The following PCBP3 variants were observed in gnomAD, a reference collection of about 807,000 sequenced individuals.
PCBP3 encodes poly(rC) binding protein 3.
In PCBP3, 25 loss-of-function variants were observed where a neutral mutation model predicts 52.7. The observed-to-expected ratio is 0.47, with a 90% CI of 0.35 to 0.66. The LOEUF is 0.66. Ranked by LOEUF, PCBP3 falls within the 30% of genes least tolerant of loss-of-function variation. The pLI is 0.01. For synonymous variants in PCBP3, 162 were observed against 183.0 expected (o/e 0.89, Z 0.93); for missense variants, 391 against 490.3 (o/e 0.80, Z 1.91).
At chr21:45,780,001 C>G (rs2090519181) in intron 4 of PCBP3, among the ~76,000 whole-genome samples, 1 of 152,062 alleles carries the variant, frequency 6.6e-6, no homozygotes, top group African/African-American at 2.4e-5. Context: ...ACAACAGCGC[C>G]CAGGCAAATT....
chr21:45,864,354 A>G (rs541063088), intron 5 of PCBP3, among the ~76,000 whole-genome samples: 9 of 152,226 alleles, frequency 5.9e-5, no homozygotes, highest in Non-Finnish European at 1.3e-4. Context: ...CTTGGTGCTT[A>G]AAATGGGGAA....
intron 12 of PCBP3, chr21:45,915,663 T>C (rs927949683): frequency 6.6e-6 from 1 of 152,398 alleles, no homozygotes; most frequent in Non-Finnish European, 1.5e-5. Context: ...CCCTGTGCAG[T>C]GGGTGCTGTC....
In PCBP3 at chr21:45,796,440, G is replaced by A. The variant is rs547361898; in HGVS notation, c.-126+40988G>A. On this transcript the variant is annotated intron_variant, in intron 4 of 17. Transcript: ENST00000681687. ...CCTCTTTGGGATGCTGTTCACATGT[G>A]TTTGCACTTCCTTGTCTGTCTTCTG... 3.4e-4 allele frequency among the ~76,000 whole-genome samples: 52 copies of A among 152,236 alleles called. No individual in the cohort carries two copies. In the South Asian group the frequency reaches 0.011, roughly 32 times the overall value.
At chr21:45,867,068 CA>C (rs1569370535) in intron 5 of PCBP3, among the ~76,000 whole-genome samples, 1 of 152,210 alleles carries the variant, frequency 6.6e-6, no homozygotes, top group African/African-American at 2.4e-5. Flanking sequence ...GGTATCTATT[CA>C]AAAACACGGT....
intron 4 of PCBP3, among the ~76,000 whole-genome samples, chr21:45,818,965 A>C (rs544230582): frequency 6.6e-5 from 10 of 152,396 alleles, no homozygotes; most frequent in Admixed American, 2.0e-4. Context: ...AGACAAAACT[A>C]TAAAAATAGT....
intron 4 of PCBP3, among the ~76,000 whole-genome samples, chr21:45,846,673 G>A (rs1235876855): frequency 2.0e-5 from 3 of 152,142 alleles, no homozygotes; most frequent in Admixed American, 6.5e-5. Flanking sequence ...GCCAGCTTCC[G>A]TGTTTGGGGT....
intron 2 of PCBP3, among the ~76,000 whole-genome samples, chr21:45,696,444 C>T (rs950168036): frequency 1.3e-5 from 2 of 151,690 alleles, no homozygotes; most frequent in Non-Finnish European, 2.9e-5. Context: ...ATATATTAAC[C>T]AAAAGATTTG....
chr21:45,928,810 T>G lies in PCBP3; in HGVS notation c.718-1107T>G, dbSNP rs1440973127. Reference sequence around the variant, plus strand: ...ACACACAGCCACGCTGGGATTTATTTGGGTTGAATGTTCTGAAGGGAAAAT... The same window carrying G: ...ACACACAGCCACGCTGGGATTTATTGGGGTTGAATGTTCTGAAGGGAAAAT... On this transcript the variant is annotated intron_variant, in intron 13 of 17. Transcript: ENST00000681687. This position sits in a 1 kb window ranked among gnomAD's most constrained non-coding sequence, Gnocchi z 4.1. Among the ~76,000 whole-genome samples, 1 of 152,146 alleles carries G rather than the reference T, an allele frequency of 6.6e-6. No homozygotes were observed. The highest frequency in any genetic ancestry group is 1.9e-4 in the East Asian group (1 of 5,166).
intron 4 of PCBP3, among the ~76,000 whole-genome samples, chr21:45,793,602 A>G (rs544448283): frequency 6.6e-6 from 1 of 152,268 alleles, no homozygotes; most frequent in Admixed American, 6.5e-5. Flanking sequence ...GCGCGGGGAA[A>G]ACATGGCTGC....
At chr21:45,677,555 G>C (rs915527278) in intron 2 of PCBP3, among the ~76,000 whole-genome samples, 1 of 152,234 alleles carries the variant, frequency 6.6e-6, no homozygotes, top group African/African-American at 2.4e-5. Context: ...CTAAGGAACA[G>C]ATTTTCAATG....
intron 4 of PCBP3, among the ~76,000 whole-genome samples, chr21:45,770,736 T>TC (rs951466361): frequency 3.3e-5 from 5 of 152,062 alleles, no homozygotes; most frequent in Admixed American, 6.5e-5. Flanking sequence ...CAGTTCTGGG[T>TC]CCCCCCCAGC....
chr21:45,833,301 G>A (rs2150453), intron 4 of PCBP3, among the ~76,000 whole-genome samples: 28,666 of 152,204 alleles, frequency 0.19, 3,445 homozygotes, highest in Non-Finnish European at 0.26. Context: ...CTTTGCTTGC[G>A]GGTTACTTAA....
At position 45,813,923 on chromosome 21, in the gene PCBP3, C is replaced by T. The variant is rs548522514; in HGVS notation, c.-125-36038C>T. On this transcript the variant is annotated intron_variant, in intron 4 of 17. Coordinates refer to ENST00000681687, the MANE Select transcript of PCBP3 (RefSeq NM_001384156.1). ...GTTTGTATGATGTTCATTGGATAGT[C>T]GTGCATCGCTTAATGACAGGGACAC... is the stretch of plus-strand genomic sequence containing the variant. Among the ~76,000 whole-genome samples, 56 of 152,292 alleles carry T rather than the reference C, an allele frequency of 3.7e-4. 1 individual carries two copies. Among genetic ancestry groups the T allele is most frequent in the Middle Eastern group, 3.4e-3 (1 of 294 alleles).
rs372660351 is a variant in PCBP3 at position 45,910,896 on chromosome 21, C to T, written c.472-6C>T. 175 of 1,599,390 alleles carry T rather than the reference C, an allele frequency of 1.1e-4. 1 individual carries two copies. Among genetic ancestry groups the T allele is most frequent in the Non-Finnish European group, 1.4e-4 (167 of 1,174,250 alleles). On this transcript the variant is annotated splice_region_variant and splice_polypyrimidine_tract_variant and intron_variant, in intron 10 of 17. Coordinates refer to ENST00000681687, the MANE Select transcript of PCBP3 (RefSeq NM_001384156.1). ...GGTGCTCCCTTCCAATGTCCCCTCT[C>T]TCCAGTCCACAGGTGCCCAGGTGCA... is the stretch of plus-strand genomic sequence containing the variant.
At position 45,927,016 on chromosome 21, in the gene PCBP3, C is replaced by T. The variant is rs995983887; in HGVS notation, c.718-2901C>T. On this transcript the variant is annotated intron_variant, in intron 13 of 17. Transcript: ENST00000681687. Reference sequence around the variant, plus strand: ...AAAATCAAGCAATAAGAAACATGGGCGAATGACAGAAACAGACATTTTGCT... The same window carrying T: ...AAAATCAAGCAATAAGAAACATGGGTGAATGACAGAAACAGACATTTTGCT... Among the ~76,000 whole-genome samples, 62 of 151,958 alleles carry T rather than the reference C, an allele frequency of 4.1e-4. 1 individual carries two copies. Among genetic ancestry groups the T allele is most frequent in the Non-Finnish European group, 1.3e-4 (9 of 68,004 alleles).
At chr21:45,933,941 G>A (rs1449654758) in intron 15 of PCBP3, among the ~76,000 whole-genome samples, 4 of 152,170 alleles carry the variant, frequency 2.6e-5, no homozygotes, top group Non-Finnish European at 5.9e-5. Context: ...AACAGGAGCT[G>A]TGTGGCTTTA....
At chr21:45,839,756 G>A (rs575698766) in intron 4 of PCBP3, among the ~76,000 whole-genome samples, 26 of 152,200 alleles carry the variant, frequency 1.7e-4, no homozygotes, top group Middle Eastern at 3.4e-3. Flanking sequence ...GTACGAACTC[G>A]GCTCACTGCA....
intron 5 of PCBP3, among the ~76,000 whole-genome samples, chr21:45,861,385 C>T (rs2094505393): frequency 6.6e-6 from 1 of 152,186 alleles, no homozygotes; most frequent in Non-Finnish European, 1.5e-5. Context: ...AGCCTCAACG[C>T]TCAGTGTCCA....
intron 5 of PCBP3, among the ~76,000 whole-genome samples, chr21:45,863,659 C>T (rs968031541): frequency 6.6e-5 from 10 of 152,334 alleles, no homozygotes; most frequent in Admixed American, 2.6e-4. Context: ...CCTTTTTCTC[C>T]GGTAGCATCT....
Sources: allele counts gnomAD v4.1 joint callset (sites outside exome capture counted in the v4.1 genomes callset), GRCh38; gene constraint gnomAD v4.1.1; non-coding constraint Gnocchi (gnomAD v3.1); transcripts MANE v1.5; gene names NCBI Gene and HGNC (gene_info 2026-07-23, HGNC 2026-07-21).